Variants in UBE2D2 observed in about 807,000 individuals in gnomAD.
UBE2D2 encodes ubiquitin conjugating enzyme E2 D2, also known as ubiquitin-conjugating enzyme E2 D2.
A neutral mutation model predicts 24.2 loss-of-function variants in UBE2D2; 2 were observed. That is an observed-to-expected ratio of 0.08 (90% CI 0.03 to 0.26). The LOEUF (loss-of-function observed/expected upper bound fraction) is 0.26, where lower values mean the gene tolerates loss of function less well. UBE2D2 is among the 10% of genes least tolerant of loss of function. The pLI, the probability that UBE2D2 is intolerant of heterozygous loss-of-function variation, is 1.00. For synonymous variants in UBE2D2, 58 were observed against 56.5 expected (o/e 1.03, Z -0.12); for missense variants, 44 against 177.6 (o/e 0.25, Z 4.28).
At chr5:139,620,982 C>T (rs939674061) in intron 5 of UBE2D2, among the ~76,000 whole-genome samples, 8 of 152,192 alleles carry the variant, frequency 5.3e-5, no homozygotes, top group African/African-American at 1.9e-4. Flanking sequence ...TGGTAGTTCA[C>T]GCCTGTAATC....
chr5:139,580,743 C>T (rs1753584784), intron 1 of UBE2D2, among the ~76,000 whole-genome samples: 1 of 152,110 alleles, frequency 6.6e-6, no homozygotes, highest in South Asian at 2.1e-4. Context: ...CCGTGCCCAG[C>T]CACTACAAAA....
chr5:139,588,355 A>C (rs761082157), intron 1 of UBE2D2, among the ~76,000 whole-genome samples: 2 of 151,116 alleles, frequency 1.3e-5, no homozygotes, highest in Non-Finnish European at 2.9e-5. Context: ...AGCTCACTGC[A>C]ACCTCCGCCT....
rs191940340 is a variant in UBE2D2, at chr5:139,581,761, C to T, written c.25-18611C>T. Among the ~76,000 whole-genome samples, 1,180 of 151,728 alleles carry T rather than the reference C, an allele frequency of 7.8e-3. 8 individuals carry two copies. The highest frequency in any genetic ancestry group is 0.041 in the Middle Eastern group (12 of 292). On this transcript the variant is annotated intron_variant, in intron 1 of 6. Coordinates refer to ENST00000398733, the MANE Select transcript of UBE2D2 (RefSeq NM_003339.3). The stretch of plus-strand genomic sequence containing the variant: ...TTGGCTCACTGCAACCTCTGCCTCC[C>T]GAGTTCAAGCTATTCTCCTGCCTCA...
Position 139,614,571 on chromosome 5 carries a change from CTTG to C in UBE2D2, c.89-12_89-10del. The C allele has an allele frequency of 6.2e-7, 1 of 1,612,072 alleles. No individual in the cohort carries two copies. Among genetic ancestry groups the C allele is most frequent in the East Asian group, 2.2e-5 (1 of 44,806 alleles). ...GATATTGTTACATGGTGACTTTTTT[CTTG>C]TTATTTTTCAGTGTTCCATTGGCAA... On this transcript the variant is annotated splice_polypyrimidine_tract_variant and intron_variant, in intron 2 of 6. Transcript: ENST00000398733.
chr5:139,612,498 C>G (rs142438515), intron 2 of UBE2D2: 1 of 152,356 alleles, frequency 6.6e-6, no homozygotes, highest in East Asian at 1.9e-4. Context: ...CACTTAAAAG[C>G]AGTGCTTTCT....
intron 1 of UBE2D2, among the ~76,000 whole-genome samples, chr5:139,537,460 A>G (rs145759504): frequency 6.6e-6 from 1 of 151,930 alleles, no homozygotes; most frequent in African/African-American, 2.4e-5. Flanking sequence ...GTCCATTGCC[A>G]CAATCACTTT....
At chr5:139,542,540 C>A (rs967829054) in intron 1 of UBE2D2, among the ~76,000 whole-genome samples, 3 of 152,076 alleles carry the variant, frequency 2.0e-5, no homozygotes, top group Non-Finnish European at 4.4e-5. Context: ...AGGCTGGTCT[C>A]AAACCCCTGA....
chr5:139,564,343 G>A (rs139628043), intron 1 of UBE2D2, among the ~76,000 whole-genome samples: 2 of 151,950 alleles, frequency 1.3e-5, no homozygotes, highest in African/African-American at 4.8e-5. Flanking sequence ...TAGTAGAAAC[G>A]GGGTTTCACC....
At chr5:139,621,665 C>G (rs1754516350) in intron 5 of UBE2D2, among the ~76,000 whole-genome samples, 1 of 151,950 alleles carries the variant, frequency 6.6e-6, no homozygotes. Context: ...CTCTGTCACC[C>G]AGATTGGAGT....
chr5:139,616,461 T>C (rs577832434), intron 5 of UBE2D2, among the ~76,000 whole-genome samples: 7 of 152,344 alleles, frequency 4.6e-5, no homozygotes, highest in South Asian at 2.1e-4. Context: ...AATGGATTAA[T>C]ATGTTTAAAA....
At chr5:139,550,861 G>A (rs927753585) in intron 1 of UBE2D2, among the ~76,000 whole-genome samples, 32 of 152,116 alleles carry the variant, frequency 2.1e-4, no homozygotes, top group African/African-American at 6.5e-4. Flanking sequence ...AACAAACTCC[G>A]GACATACCAT....
intron 1 of UBE2D2, among the ~76,000 whole-genome samples, chr5:139,595,522 G>T (rs571156476): frequency 6.6e-6 from 1 of 152,104 alleles, no homozygotes; most frequent in South Asian, 2.1e-4. Context: ...GGGATTATAG[G>T]AGCCCCCACC....
At chr5:139,550,907 G>A (rs1316873245) in intron 1 of UBE2D2, among the ~76,000 whole-genome samples, 1 of 152,024 alleles carries the variant, frequency 6.6e-6, no homozygotes, top group East Asian at 1.9e-4. Flanking sequence ...GAGAGTCTGG[G>A]GCTTCATTCT....
At chr5:139,540,446 T>A (rs1186973914) in intron 1 of UBE2D2, among the ~76,000 whole-genome samples, 1 of 149,902 alleles carries the variant, frequency 6.7e-6, no homozygotes, top group Non-Finnish European at 1.5e-5. Flanking sequence ...CTCGGGAGGC[T>A]GAGGCAGGAG....
At chr5:139,563,534 T>C (rs747207217) in intron 1 of UBE2D2, among the ~76,000 whole-genome samples, 2 of 152,206 alleles carry the variant, frequency 1.3e-5, no homozygotes, top group Non-Finnish European at 2.9e-5. Flanking sequence ...TAGGTCCTTA[T>C]AGAATCTAAC....
intron 1 of UBE2D2, among the ~76,000 whole-genome samples, chr5:139,575,060 C>T (rs980450414): frequency 1.3e-5 from 2 of 152,154 alleles, no homozygotes; most frequent in Non-Finnish European, 2.9e-5. Context: ...GCATTACCCA[C>T]CAATAAAAAG....
At chr5:139,565,692 C>A (rs929292220) in intron 1 of UBE2D2, among the ~76,000 whole-genome samples, 2 of 152,112 alleles carry the variant, frequency 1.3e-5, no homozygotes, top group Non-Finnish European at 2.9e-5. Context: ...CTTGGCTGAT[C>A]GGAGACCTTT....
chr5:139,589,277 G>A (rs1753793683), intron 1 of UBE2D2, among the ~76,000 whole-genome samples: 1 of 152,038 alleles, frequency 6.6e-6, no homozygotes, highest in Non-Finnish European at 1.5e-5. Context: ...AAAAAAAATA[G>A]CCCGGGCACG....
chr5:139,623,541 A>ATATTCAGCCCTT, intron 6 of UBE2D2, 80 bp downstream of exon 6: 1 of 1,166,704 alleles, frequency 8.6e-7, no homozygotes, highest in Non-Finnish European at 1.3e-6. Flanking sequence ...TTAAGGGCTG[A>ATATTCAGCCCTT]ATATCGGCCA....
Sources: allele counts gnomAD v4.1 joint callset (sites outside exome capture counted in the v4.1 genomes callset), GRCh38; gene constraint gnomAD v4.1.1; transcripts MANE v1.5; gene names NCBI Gene and HGNC (gene_info 2026-07-23, HGNC 2026-07-21).